CCDC146: variants seen among roughly 807,000 people sequenced by gnomAD.
The protein encoded by CCDC146 is coiled-coil domain containing 146.
A neutral mutation model predicts 119.3 loss-of-function variants in CCDC146; 92 were observed. That is an observed-to-expected ratio of 0.77 (90% CI 0.65 to 0.92). CCDC146 has a LOEUF of 0.92. Among genes scored for constraint, CCDC146 ranks in the 40% least tolerant of loss-of-function variants. The pLI, the probability that CCDC146 is intolerant of heterozygous loss-of-function variation, is 0.00. For missense variants in CCDC146, 1,000 were observed against 1,103.0 expected (o/e 0.91, Z 1.32); for synonymous variants, 372 against 371.8 (o/e 1.00, Z -0.01).
rs1235152942 is a variant in CCDC146 at position 77,253,145 on chromosome 7, A to G, written c.450-1361A>G. 2.6e-5 allele frequency among the ~76,000 whole-genome samples: 4 copies of G among 152,232 alleles called. No homozygotes were observed. The South Asian group carries it at 8.3e-4, about 32-fold the overall frequency. ...TCATGCCACAATTTTAATAGCTTGT[A>G]GTGGAAACAAAAGTGAAAATAATTG... On this transcript the variant is annotated intron_variant, in intron 4 of 18. Transcript: ENST00000285871.
At chr7:77,236,925 G>C (rs775667234) in intron 2 of CCDC146, 22 bp from the exon 3 acceptor site, 2 of 1,576,898 alleles carry the variant, frequency 1.3e-6, no homozygotes. Flanking sequence ...GATTAACAGT[G>C]ACCTTATGTT....
intron 1 of CCDC146, among the ~76,000 whole-genome samples, chr7:77,123,252 GAC>G (rs1195786140): frequency 2.8e-5 from 4 of 141,346 alleles, no homozygotes; most frequent in Non-Finnish European, 1.6e-5. Context: ...AAAAAAAAAA[GAC>G]ACAAAAAAGA....
intron 14 of CCDC146, among the ~76,000 whole-genome samples, chr7:77,281,848 G>A (rs1357246498): frequency 2.6e-5 from 4 of 152,022 alleles, no homozygotes; most frequent in African/African-American, 9.7e-5. Context: ...TTTTTCTCCA[G>A]GGGAGAAAAA....
chr7:77,198,182 G>A, intron 2 of CCDC146: 4 of 985,454 alleles, frequency 4.1e-6, no homozygotes, highest in Non-Finnish European at 4.8e-6. Context: ...GCTGCCAGGA[G>A]TATTACCAAT....
At position 77,278,856 on chromosome 7, in the gene CCDC146, G is replaced by T; in HGVS notation, c.1529+16G>T. The T allele has an allele frequency of 6.2e-7, 1 of 1,602,592 alleles. No individual in the cohort carries two copies. Among genetic ancestry groups the T allele is most frequent in the Non-Finnish European group, 8.5e-7 (1 of 1,170,706 alleles). On this transcript the variant is annotated intron_variant, in intron 12 of 18. Transcript: ENST00000285871. ...TTTATCGGAGGTAAAGTAATTATGT[G>T]GTGTTTTATCTACGTAGGTGAGGGG...
At position 77,294,698 on chromosome 7, in the gene CCDC146, T is replaced by A. The variant is rs1416737567; in HGVS notation, c.2700T>A (p.Asn900Lys). 1 of 1,614,230 alleles carries A rather than the reference T, an allele frequency of 6.2e-7. No homozygotes were observed. The highest frequency in any genetic ancestry group is 8.5e-7 in the Non-Finnish European group (1 of 1,180,032). Reference protein sequence around the residue: ...FLEADNRQLPNGVYTTAEQRP... With the variant: ...FLEADNRQLPKGVYTTAEQRP... The stretch of plus-strand genomic sequence containing the variant: ...AAGCAGATAATCGCCAGCTGCCCAA[T>A]GGTGTTTACACAACTGCAGAGCAGC... The change falls in exon 19 of 19, where the codon AAT becomes AAA. Residue 900 changes from asparagine to lysine, a missense_variant. Coordinates refer to ENST00000285871, the MANE Select transcript of CCDC146 (RefSeq NM_020879.3).
chr7:77,156,674 T>A (rs1410711340), intron 1 of CCDC146, among the ~76,000 whole-genome samples: 1 of 152,236 alleles, frequency 6.6e-6, no homozygotes, highest in African/African-American at 2.4e-5. Flanking sequence ...GTACTTAGAA[T>A]ATAAAATCTA....
intron 1 of CCDC146, among the ~76,000 whole-genome samples, chr7:77,123,811 C>T (rs936500401): frequency 6.6e-6 from 1 of 152,192 alleles, no homozygotes; most frequent in Non-Finnish European, 1.5e-5. Flanking sequence ...ATCATTGCCT[C>T]TTTTCTGTCC....
chr7:77,203,414 T>C (rs550984508), intron 2 of CCDC146, among the ~76,000 whole-genome samples: 1 of 151,902 alleles, frequency 6.6e-6, no homozygotes, highest in African/African-American at 2.4e-5. Flanking sequence ...TGGTGGCACA[T>C]CTAGGTATGA....
At chr7:77,204,297 C>T (rs1360265660) in intron 2 of CCDC146, among the ~76,000 whole-genome samples, 2 of 151,980 alleles carry the variant, frequency 1.3e-5, no homozygotes, top group African/African-American at 4.8e-5. Flanking sequence ...AGGTCTTAGT[C>T]CTTGTTCATT....
At chr7:77,198,135 C>T in intron 2 of CCDC146, 4 of 985,398 alleles carry the variant, frequency 4.1e-6, no homozygotes, top group Non-Finnish European at 4.8e-6. Flanking sequence ...AGCGGTGAAC[C>T]TTGGATTCGC....
intron 2 of CCDC146, among the ~76,000 whole-genome samples, chr7:77,207,684 C>T (rs1792106156): frequency 6.6e-6 from 1 of 152,060 alleles, no homozygotes; most frequent in Non-Finnish European, 1.5e-5. Flanking sequence ...AAGAGCCTTC[C>T]AGTAACTTTC....
intron 2 of CCDC146, among the ~76,000 whole-genome samples, chr7:77,232,817 C>G (rs897905849): frequency 6.6e-6 from 1 of 152,138 alleles, no homozygotes; most frequent in African/African-American, 2.4e-5. Flanking sequence ...AGATCTTCAC[C>G]TGGGATAGAT....
chr7:77,233,085 CTTTTGTTTGTTTT>C (rs1331479128), intron 2 of CCDC146, among the ~76,000 whole-genome samples: 9 of 120,052 alleles, frequency 7.5e-5, no homozygotes, highest in Non-Finnish European at 1.5e-4. Flanking sequence ...TCTTTTGTTT[CTTTTGTTTGTTTT>C]TTTTTTTTTA....
chr7:77,224,639 C>T (rs1194472947), intron 2 of CCDC146, among the ~76,000 whole-genome samples: 1 of 152,082 alleles, frequency 6.6e-6, no homozygotes, highest in African/African-American at 2.4e-5. Context: ...TATTACAGAA[C>T]CAAAAGCATC....
rs1399242372 is a variant in CCDC146 at position 77,241,808 on chromosome 7, G to A, written c.357G>A (p.Glu119=). The A allele has an allele frequency of 1.2e-6, 2 of 1,613,846 alleles. No individual in the cohort carries two copies. Among genetic ancestry groups the A allele is most frequent in the South Asian group, 1.1e-5 (1 of 91,078 alleles). Residue 119 remains glutamate (E), a synonymous_variant, in exon 4 of 19, where the codon GAG becomes GAA. Transcript: ENST00000285871. ...ATTTTCCAGAAGCATTCTCCACGGA[G>A]GTCTCCAAAATGAGAGAACAACTTC... is the stretch of plus-strand genomic sequence containing the variant. ...ADNFPEAFST[E]VSKMREQLLK...
At chr7:77,230,346 C>G (rs1792601251) in intron 2 of CCDC146, among the ~76,000 whole-genome samples, 1 of 152,102 alleles carries the variant, frequency 6.6e-6, no homozygotes, top group South Asian at 2.1e-4. Flanking sequence ...TTCCTTCTTT[C>G]CAGCATGAAG....
chr7:77,242,298 C>T, intron 4 of CCDC146: 1 of 810,260 alleles, frequency 1.2e-6, no homozygotes, highest in Non-Finnish European at 1.5e-6. Context: ...ATGCATTTTC[C>T]AAACAAGCCT....
chr7:77,191,642 C>T (rs369411520), intron 2 of CCDC146, among the ~76,000 whole-genome samples: 33 of 152,282 alleles, frequency 2.2e-4, no homozygotes, highest in Non-Finnish European at 3.7e-4. Flanking sequence ...GGCGCAGTGG[C>T]TCACGCCTGT....
Sources: allele counts gnomAD v4.1 joint callset (sites outside exome capture counted in the v4.1 genomes callset), GRCh38; gene constraint gnomAD v4.1.1; transcripts MANE v1.5; gene names NCBI Gene and HGNC (gene_info 2026-07-23, HGNC 2026-07-21).